Variants in TJP1 observed in about 807,000 individuals in gnomAD.
TJP1 encodes tight junction protein ZO-1.
A neutral mutation model predicts 194.2 loss-of-function variants in TJP1; 43 were observed. The ratio of observed to expected loss-of-function variants is 0.22; its 90% CI spans 0.17 to 0.29. The LOEUF (loss-of-function observed/expected upper bound fraction) is 0.29, where lower values mean the gene tolerates loss of function less well. Ranked by LOEUF, TJP1 falls within the 10% of genes least tolerant of loss-of-function variation. TJP1 has a pLI of 1.00. For missense variants in TJP1, 1,971 were observed against 2,185.7 expected, an observed-to-expected ratio of 0.90 and a Z score of 1.96; for synonymous variants, 801 against 779.0, an observed-to-expected ratio of 1.03 and a Z score of -0.47.
At chr15:29,877,567 CTT>C (rs1168021517) in intron 2 of TJP1, among the ~76,000 whole-genome samples, 2 of 151,496 alleles carry the variant, frequency 1.3e-5, no homozygotes, top group East Asian at 1.9e-4. Context: ...TTCTTTTTCT[CTT>C]TCTTTCTTTC....
At chr15:29,792,947 T>G (rs1458890851) in intron 2 of TJP1, among the ~76,000 whole-genome samples, 1 of 152,238 alleles carries the variant, frequency 6.6e-6, no homozygotes, top group African/African-American at 2.4e-5. Flanking sequence ...ATGCTGCTGA[T>G]TTTTATATGC....
chr15:29,937,237 A>T (rs559502584), intron 2 of TJP1, among the ~76,000 whole-genome samples: 7 of 152,328 alleles, frequency 4.6e-5, no homozygotes, highest in African/African-American at 7.2e-5. Context: ...AAAACAAATT[A>T]AAAAAGTAAT....
At chr15:29,787,817 T>G (rs1393055706) in intron 2 of TJP1, among the ~76,000 whole-genome samples, 1 of 152,332 alleles carries the variant, frequency 6.6e-6, no homozygotes, top group South Asian at 2.1e-4. Flanking sequence ...ATGTAGACAT[T>G]TGCTTTCATT....
chr15:29,761,366 T>C, intron 7 of TJP1, 80 bp from the exon 8 acceptor site: 1 of 1,503,946 alleles, frequency 6.6e-7, no homozygotes, highest in Non-Finnish European at 9.0e-7. Context: ...ATAATGAAGA[T>C]AAGCTAGTAA....
At chr15:29,745,027 CAAAT>C (rs1196225020) in intron 8 of TJP1, among the ~76,000 whole-genome samples, 11 of 151,938 alleles carry the variant, frequency 7.2e-5, no homozygotes, top group Admixed American at 6.6e-4. Context: ...TTATTATGCA[CAAAT>C]ATTTACAGAA....
At chr15:29,752,891 GCCCTTC>G (rs2045380809) in intron 8 of TJP1, among the ~76,000 whole-genome samples, 1 of 152,034 alleles carries the variant, frequency 6.6e-6, no homozygotes, top group African/African-American at 2.4e-5. Context: ...CTATATTGCT[GCCCTTC>G]CAGTAGGTCG....
At chr15:29,727,906 T>A (rs745556564) in intron 16 of TJP1, 31 bp downstream of exon 16, 30 of 1,593,398 alleles carry the variant, frequency 1.9e-5, no homozygotes, top group Non-Finnish European at 2.2e-5. Context: ...CACAATAACA[T>A]AATGAAATGG....
chr15:29,948,411 C>G (rs1469805293), intron 2 of TJP1, among the ~76,000 whole-genome samples: 2 of 152,140 alleles, frequency 1.3e-5, no homozygotes, highest in Non-Finnish European at 2.9e-5. Flanking sequence ...TTTATGGAGT[C>G]TCAGACTTTT....
intron 2 of TJP1, among the ~76,000 whole-genome samples, chr15:29,774,861 T>TTTTGCCATCCTGCTACGTCCCATCTAAG (rs1305053326): frequency 6.6e-6 from 1 of 152,176 alleles, no homozygotes; most frequent in Admixed American, 6.6e-5. Flanking sequence ...TGTTTCTCTA[T>TTTTGCCATCCTGCTACGTCCCATCTAAG]ATATTCTCCC....
At chr15:29,728,227 G>GA (rs1203103483) in intron 15 of TJP1, 4 of 434,108 alleles carry the variant, frequency 9.2e-6, no homozygotes, top group African/African-American at 2.0e-5. Flanking sequence ...TAATATTCTG[G>GA]AAAAAAACTT....
chr15:29,740,144 T>G (rs887057555), intron 10 of TJP1, among the ~76,000 whole-genome samples: 22 of 151,862 alleles, frequency 1.4e-4, no homozygotes, highest in African/African-American at 5.3e-4. Flanking sequence ...CCCAGCTAAT[T>G]TTTTGTATTT....
rs2050461246 is a variant in TJP1, at chr15:29,822,405, A to G, written c.-377T>C. 1 of 994,618 alleles carries G rather than the reference A, an allele frequency of 1.0e-6. No homozygotes were observed. The highest frequency in any genetic ancestry group is 1.2e-6 in the Non-Finnish European group (1 of 836,182). The allele number at this position is 994,618 out of a possible 1,614,324, so 61.6% of individuals were successfully genotyped here. On this transcript the variant is annotated 5_prime_UTR_variant, in exon 1 of 28. Coordinates refer to ENST00000614355, the MANE Select transcript of TJP1 (RefSeq NM_001330239.4). ...GGCTTCGCCACGTAACTTCCCGGGA[A>G]CCGGCGGCCGCCAAGGAACGCGGCG...
chr15:29,925,334 G>A (rs2054491143), intron 2 of TJP1, among the ~76,000 whole-genome samples: 1 of 152,178 alleles, frequency 6.6e-6, no homozygotes, highest in African/African-American at 2.4e-5. Flanking sequence ...GTGCTCTCCA[G>A]CCCAGGATCT....
chr15:29,842,014 C>T (rs896486652), intron 2 of TJP1, among the ~76,000 whole-genome samples: 32 of 152,214 alleles, frequency 2.1e-4, no homozygotes, highest in African/African-American at 6.7e-4. Flanking sequence ...TAAACGCTGA[C>T]GGGGATACCC....
intron 4 of TJP1, among the ~76,000 whole-genome samples, chr15:29,769,028 G>T (rs1454961294): frequency 6.6e-6 from 1 of 152,040 alleles, no homozygotes; most frequent in Non-Finnish European, 1.5e-5. Context: ...AAATAAAAAT[G>T]AAAACATTTC....
intron 5 of TJP1, among the ~76,000 whole-genome samples, chr15:29,765,603 G>C (rs2046283062): frequency 2.0e-5 from 3 of 152,134 alleles, no homozygotes. Flanking sequence ...GGGGGAAGAA[G>C]TCCCAGCAGG....
At chr15:29,968,598 C>A (rs2056414531) in intron 1 of TJP1, 1 of 926,838 alleles carries the variant, frequency 1.1e-6, no homozygotes, top group South Asian at 4.8e-5. Flanking sequence ...CGCTCGCTCT[C>A]CCACTCCGGC....
intron 23 of TJP1, among the ~76,000 whole-genome samples, chr15:29,715,867 C>A (rs1370605392): frequency 6.6e-6 from 1 of 152,156 alleles, no homozygotes; most frequent in African/African-American, 2.4e-5. Flanking sequence ...TTTCTTTTGA[C>A]AAATCCACAT....
At chr15:29,896,815 G>T (rs1335992861) in intron 2 of TJP1, among the ~76,000 whole-genome samples, 1 of 152,156 alleles carries the variant, frequency 6.6e-6, no homozygotes, top group Non-Finnish European at 1.5e-5. Flanking sequence ...GAGATTTGTG[G>T]AACTCTGAAC....
Sources: allele counts gnomAD v4.1 joint callset (sites outside exome capture counted in the v4.1 genomes callset), GRCh38; gene constraint gnomAD v4.1.1; transcripts MANE v1.5; gene names NCBI Gene and HGNC (gene_info 2026-07-23, HGNC 2026-07-21).